IRF2: variants seen among roughly 807,000 people sequenced by gnomAD.
The protein encoded by IRF2 is interferon regulatory factor 2.
Under a neutral mutation model 40.6 loss-of-function variants are expected in IRF2, and 15 were observed. The ratio of observed to expected loss-of-function variants is 0.37; its 90% CI spans 0.25 to 0.57. IRF2 has a LOEUF of 0.57. Ranked by LOEUF, IRF2 falls within the 20% of genes least tolerant of loss-of-function variation. IRF2 has a pLI of 0.77. For synonymous variants in IRF2, 151 were observed against 165.5 expected (o/e 0.91, Z 0.67); for missense variants, 317 against 455.7 (o/e 0.70, Z 2.77).
intron 7 of IRF2, among the ~76,000 whole-genome samples, chr4:184,396,224 C>T (rs1428039387): frequency 6.6e-6 from 1 of 152,122 alleles, no homozygotes; most frequent in Non-Finnish European, 1.5e-5. Flanking sequence ...TTTGGTGGGT[C>T]CTTGTGAAAA....
intron 1 of IRF2, among the ~76,000 whole-genome samples, chr4:184,435,867 G>C (rs1738056265): frequency 6.6e-6 from 1 of 152,184 alleles, no homozygotes; most frequent in African/African-American, 2.4e-5. Context: ...CTGATCTAAT[G>C]AAAATGACCT....
At chr4:184,428,879 C>G (rs1048585296) in intron 2 of IRF2, 99 bp downstream of exon 2, 8 of 966,876 alleles carry the variant, frequency 8.3e-6, no homozygotes, top group Admixed American at 3.4e-5. Context: ...ATGAATAAGC[C>G]TAAGATTTTG....
intron 1 of IRF2, among the ~76,000 whole-genome samples, chr4:184,435,977 CTTTTTT>C (rs1204429200): frequency 7.5e-6 from 1 of 132,664 alleles, no homozygotes; most frequent in African/African-American, 3.0e-5. Context: ...TTTTCTTTTT[CTTTTTT>C]CTTTTTTTTT....
At chr4:184,416,030 CA>C (rs1325700248) in intron 5 of IRF2, among the ~76,000 whole-genome samples, 3 of 152,192 alleles carry the variant, frequency 2.0e-5, no homozygotes, top group African/African-American at 7.2e-5. Context: ...CTTAAAAATA[CA>C]AACTCAGCCA....
intron 1 of IRF2, among the ~76,000 whole-genome samples, chr4:184,439,761 T>G (rs945789350): frequency 2.0e-5 from 3 of 152,198 alleles, no homozygotes; most frequent in Non-Finnish European, 4.4e-5. Flanking sequence ...TTACCTTGTC[T>G]CTGACCACAG....
At chr4:184,420,586 A>G (rs530357553) in intron 2 of IRF2, among the ~76,000 whole-genome samples, 5 of 152,316 alleles carry the variant, frequency 3.3e-5, no homozygotes, top group African/African-American at 1.2e-4. Flanking sequence ...AAACCGCCTC[A>G]AGCAACCCTG....
At chr4:184,412,178 A>G (rs555042217) in intron 5 of IRF2, among the ~76,000 whole-genome samples, 11 of 152,312 alleles carry the variant, frequency 7.2e-5, no homozygotes, top group African/African-American at 2.6e-4. Context: ...AACCTTTGCT[A>G]TAATTACAGA....
chr4:184,467,760 A>T (rs1739378693), intron 1 of IRF2, among the ~76,000 whole-genome samples: 1 of 152,234 alleles, frequency 6.6e-6, no homozygotes, highest in Non-Finnish European at 1.5e-5. Context: ...CTCTCCTTTG[A>T]TGGCATTAGG....
chr4:184,453,212 A>T (rs1254523807), intron 1 of IRF2, among the ~76,000 whole-genome samples: 4 of 152,338 alleles, frequency 2.6e-5, no homozygotes, highest in African/African-American at 9.6e-5. Flanking sequence ...TTTTTTAAAG[A>T]GCATTTTCTA....
rs150575776 is a variant in IRF2 at position 184,399,021 on chromosome 4, C to T, written c.588G>A (p.Pro196=). Reference sequence around the variant, plus strand: ...CCTCTACAACTTGGCAAATGTCTGGCGGATTGGTGACAATCTCTTGATTCT... The same window carrying T: ...CCTCTACAACTTGGCAAATGTCTGGTGGATTGGTGACAATCTCTTGATTCT... ...NIENQEIVTN[P]PDICQVVEVT... Residue 196 remains proline, a synonymous_variant, in exon 7 of 9, where the codon CCG becomes CCA. Transcript: ENST00000393593. 330 of 1,613,192 alleles carry T rather than the reference C, an allele frequency of 2.0e-4. No individual in the cohort carries two copies. The highest frequency in any genetic ancestry group is 3.2e-4 in the Admixed American group (19 of 59,830).
At chr4:184,427,899 G>A (rs1004956979) in intron 2 of IRF2, among the ~76,000 whole-genome samples, 1 of 152,118 alleles carries the variant, frequency 6.6e-6, no homozygotes, top group Non-Finnish European at 1.5e-5. Context: ...AAAAAGAAAA[G>A]GGGAGGGAGT....
intron 7 of IRF2, among the ~76,000 whole-genome samples, chr4:184,398,588 G>A (rs1278474157): frequency 6.6e-6 from 1 of 151,664 alleles, no homozygotes; most frequent in Non-Finnish European, 1.5e-5. Flanking sequence ...CCTGGGAGGC[G>A]GAGGTTACAG....
At chr4:184,458,228 G>A (rs1035674399) in intron 1 of IRF2, among the ~76,000 whole-genome samples, 1 of 152,198 alleles carries the variant, frequency 6.6e-6, no homozygotes, top group Non-Finnish European at 1.5e-5. Context: ...AGAATAAAAA[G>A]AAGATACTGC....
intron 3 of IRF2, among the ~76,000 whole-genome samples, chr4:184,419,071 T>A (rs1448467087): frequency 1.3e-5 from 2 of 152,214 alleles, no homozygotes; most frequent in Non-Finnish European, 2.9e-5. Flanking sequence ...CTCTTTTTCA[T>A]CTGACGCTCC....
intron 1 of IRF2, among the ~76,000 whole-genome samples, chr4:184,442,013 T>A (rs1738330674): frequency 6.6e-6 from 1 of 152,122 alleles, no homozygotes; most frequent in Admixed American, 6.5e-5. Flanking sequence ...CCGTCTGACC[T>A]GGCATCTGCA....
At chr4:184,437,705 G>T (rs1738134389) in intron 1 of IRF2, among the ~76,000 whole-genome samples, 1 of 152,052 alleles carries the variant, frequency 6.6e-6, no homozygotes, top group African/African-American at 2.4e-5. Context: ...ACTTCTGAGT[G>T]CACGACTTGG....
chr4:184,422,233 A>G (rs1170538578), intron 2 of IRF2, among the ~76,000 whole-genome samples: 6 of 152,220 alleles, frequency 3.9e-5, no homozygotes, highest in Non-Finnish European at 8.8e-5. Flanking sequence ...TTGTAGCAAC[A>G]TGAAACAGAC....
At chr4:184,435,429 G>C (rs552879131) in intron 1 of IRF2, among the ~76,000 whole-genome samples, 1 of 152,214 alleles carries the variant, frequency 6.6e-6, no homozygotes, top group African/African-American at 2.4e-5. Context: ...TTAGCTGAGA[G>C]GGGGGTGGTG....
At chr4:184,463,740 C>T (rs1739225436) in intron 1 of IRF2, among the ~76,000 whole-genome samples, 1 of 152,000 alleles carries the variant, frequency 6.6e-6, no homozygotes, top group Non-Finnish European at 1.5e-5. Flanking sequence ...CGTAGCAATC[C>T]AAAAACGTCT....
Sources: gnomAD v4.1 joint callset for allele counts (sites outside exome capture counted in the v4.1 genomes callset) on GRCh38, gnomAD v4.1.1 for gene constraint, MANE v1.5 for transcripts, NCBI Gene and HGNC (gene_info 2026-07-23, HGNC 2026-07-21) for gene names.